The following DNAH7 variants were observed in gnomAD, a reference collection of about 807,000 sequenced individuals.
DNAH7 encodes the protein axonemal beta dynein heavy chain 7.
A neutral mutation model predicts 444.6 loss-of-function variants in DNAH7; 397 were observed. That is an observed-to-expected ratio of 0.89 (90% CI 0.82 to 0.97). The LOEUF (loss-of-function observed/expected upper bound fraction) is 0.97. DNAH7 is among the 50% of genes least tolerant of loss of function. DNAH7 has a pLI of 0.00. For synonymous variants in DNAH7, 1,636 were observed against 1,624.4 expected (o/e 1.01, Z -0.17); for missense variants, 4,902 against 4,800.8 (o/e 1.02, Z -0.62).
chr2:195,868,068 C>T (rs1214410303), intron 40 of DNAH7, among the ~76,000 whole-genome samples: 2 of 150,770 alleles, frequency 1.3e-5, no homozygotes, highest in Admixed American at 6.6e-5. Context: ...ACATGCTCAC[C>T]AACACTGTTC....
chr2:195,832,444 C>CTT (rs56382676), intron 48 of DNAH7, among the ~76,000 whole-genome samples: 1 of 144,474 alleles, frequency 6.9e-6, no homozygotes, highest in African/African-American at 2.5e-5. Context: ...TTCTTTCTTT[C>CTT]TTTTTTTTTT....
rs1448984414 is a variant in DNAH7, at chr2:195,844,885, ATTAG to A, written c.8945+113_8945+116del. 2.2e-5 allele frequency: 18 copies of A among 807,494 alleles called. 1 individual carries two copies. In the Admixed American group the frequency reaches 5.3e-4, roughly 24 times the overall value. 50.0% of individuals were successfully genotyped at this position (807,494 alleles called of 1,614,324 possible). A position where few individuals can be genotyped will look rare whatever the true frequency, so the allele number is the denominator to read the frequency against. The stretch of plus-strand genomic sequence containing the variant: ...TGATTACTCATACTTAATTTCACTA[ATTAG>A]TTAAGTAATTTTTTAATACTGTAAA... On this transcript the variant is annotated intron_variant, in intron 47 of 64. Coordinates refer to ENST00000312428, the MANE Select transcript of DNAH7 (RefSeq NM_018897.3).
Position 195,897,705 on chromosome 2 carries a change from G to C in DNAH7, c.4609C>G (p.Leu1537Val). Residue 1537 changes from leucine to valine, a missense_variant, in exon 29 of 65, where the codon CTG becomes GTG. Transcript: ENST00000312428. ...LLLRSIIDVN[L>V]PKFLSHDLPL... ...AAATCATGGGATAAAAATTTTGGCA[G>C]ATTTACATCAATGATAGATCTAAGC... 1 of 1,595,252 alleles carries C rather than the reference G, an allele frequency of 6.3e-7. No individual in the cohort carries two copies. The highest frequency in any genetic ancestry group is 8.5e-7 in the Non-Finnish European group (1 of 1,170,456).
At chr2:195,810,906 C>G (rs1696939304) in intron 51 of DNAH7, among the ~76,000 whole-genome samples, 1 of 152,100 alleles carries the variant, frequency 6.6e-6, no homozygotes, top group Non-Finnish European at 1.5e-5. Flanking sequence ...TGTAGCAGTA[C>G]CATACAATTA....
intron 12 of DNAH7, among the ~76,000 whole-genome samples, chr2:195,992,285 C>T (rs1265407830): frequency 6.6e-6 from 1 of 152,228 alleles, no homozygotes; most frequent in East Asian, 1.9e-4. Context: ...TCGGACCACA[C>T]TGATGTTTTG....
At chr2:195,976,749 G>GAC (rs1222382749) in intron 15 of DNAH7, among the ~76,000 whole-genome samples, 17 of 94,896 alleles carry the variant, frequency 1.8e-4, no homozygotes, top group African/African-American at 1.2e-3. Flanking sequence ...GAGGCAGACA[G>GAC]AGAGAGAGAG....
intron 30 of DNAH7, chr2:195,892,545 G>T (rs934881225): frequency 1.3e-5 from 2 of 150,994 alleles, no homozygotes; most frequent in Admixed American, 6.6e-5. Context: ...CAGAAAGTAC[G>T]AAGATTCCAG....
At chr2:196,034,318 T>C (rs536566635) in intron 5 of DNAH7, among the ~76,000 whole-genome samples, 4 of 152,176 alleles carry the variant, frequency 2.6e-5, no homozygotes, top group Non-Finnish European at 4.4e-5. Flanking sequence ...TGGGATTACA[T>C]TTTTAAAAAG....
intron 9 of DNAH7, among the ~76,000 whole-genome samples, chr2:196,016,984 G>T (rs982781400): frequency 6.6e-6 from 1 of 152,092 alleles, no homozygotes; most frequent in Non-Finnish European, 1.5e-5. Context: ...ATATGAGCGA[G>T]AGTGCTTTTT....
chr2:195,994,440 G>A, intron 12 of DNAH7: 1 of 593,716 alleles, frequency 1.7e-6, no homozygotes. Flanking sequence ...GTTGGCTGGG[G>A]AGGCCAAGGG....
At chr2:195,975,059 G>A (rs550518685) in intron 15 of DNAH7, among the ~76,000 whole-genome samples, 1 of 152,202 alleles carries the variant, frequency 6.6e-6, no homozygotes, top group Non-Finnish European at 1.5e-5. Flanking sequence ...TGGCTGAATC[G>A]AAGCCTCCAC....
chr2:195,931,998 A>G (rs182673666), intron 21 of DNAH7, among the ~76,000 whole-genome samples: 55 of 152,330 alleles, frequency 3.6e-4, no homozygotes, highest in African/African-American at 1.3e-3. Flanking sequence ...CATTGAATCT[A>G]TAAATTACCT....
intron 5 of DNAH7, among the ~76,000 whole-genome samples, chr2:196,040,419 A>C (rs1407631860): frequency 2.6e-5 from 4 of 152,204 alleles, no homozygotes; most frequent in Non-Finnish European, 5.9e-5. Flanking sequence ...AGGATGGTTC[A>C]ACATTCATAA....
At chr2:195,911,323 A>G (rs1189668850) in intron 24 of DNAH7, among the ~76,000 whole-genome samples, 1 of 152,220 alleles carries the variant, frequency 6.6e-6, no homozygotes, top group African/African-American at 2.4e-5. Context: ...TAATTTAAAA[A>G]CTCAGTGAAC....
rs948038650 is a variant in DNAH7 at position 195,847,132 on chromosome 2, C to A, written c.8782-1967G>T. ...GGTGGGATATCGGATATATATATAT[C>A]TTATATATATATCAGATATATACTT... On this transcript the variant is annotated intron_variant, in intron 46 of 64. Coordinates refer to ENST00000312428, the MANE Select transcript of DNAH7 (RefSeq NM_018897.3). Among the ~76,000 whole-genome samples the A allele has an allele frequency of 5.5e-5, 8 of 145,192 alleles. No homozygotes were observed. In the Admixed American group the frequency reaches 5.5e-4, roughly 10 times the overall value.
At position 196,063,981 on chromosome 2, in the gene DNAH7, T is replaced by A; in HGVS notation, c.15+4716A>T. 1.3e-5 allele frequency: 2 copies of A among 152,216 alleles called. 1 individual carries two copies. The highest frequency in any genetic ancestry group is 2.9e-5 in the Non-Finnish European group (2 of 68,076). The allele number at this position is 152,216 out of a possible 1,614,324, so 9.4% of individuals were successfully genotyped here. On this transcript the variant is annotated intron_variant, in intron 1 of 64. Coordinates refer to ENST00000312428, the MANE Select transcript of DNAH7 (RefSeq NM_018897.3). ...GCTGCCATGCCTCCTGGCTCAAGAT[T>A]TTCTGTTCAGCTATCTGGAAGCTCC...
intron 6 of DNAH7, 90 bp from the exon 7 acceptor site, chr2:196,027,030 G>T: frequency 1.1e-6 from 1 of 932,526 alleles, no homozygotes; most frequent in Non-Finnish European, 1.6e-6. Flanking sequence ...TCAAGTTTTA[G>T]GAGAACAAAG....
chr2:195,778,129 G>A, intron 58 of DNAH7, 144 bp from the exon 59 acceptor site: 1 of 719,304 alleles, frequency 1.4e-6, no homozygotes, highest in Non-Finnish European at 2.0e-6. Flanking sequence ...CCTGCTAATT[G>A]TTGCCATTTT....
chr2:195,963,272 G>A (rs1330940415), intron 17 of DNAH7, among the ~76,000 whole-genome samples: 1 of 152,088 alleles, frequency 6.6e-6, no homozygotes. Context: ...TTTGACAGCA[G>A]TTATTGACTG....
Sources: gnomAD v4.1 joint callset for allele counts (sites outside exome capture counted in the v4.1 genomes callset) on GRCh38, gnomAD v4.1.1 for gene constraint, MANE v1.5 for transcripts, NCBI Gene and HGNC (gene_info 2026-07-23, HGNC 2026-07-21) for gene names.